Variants in MBNL1 observed in about 807,000 individuals in gnomAD.
The protein encoded by MBNL1 is muscleblind like splicing regulator 1.
MBNL1 carries 8 observed loss-of-function variants against 42.2 expected under a neutral mutation model. The observed-to-expected ratio is 0.19, with a 90% CI of 0.11 to 0.34. MBNL1 has a LOEUF of 0.34. MBNL1 is among the 10% of genes least tolerant of loss of function. MBNL1 has a pLI of 1.00. For missense variants in MBNL1, 309 were observed against 495.3 expected, an observed-to-expected ratio of 0.62 and a Z score of 3.57; for synonymous variants, 169 against 173.9, an observed-to-expected ratio of 0.97 and a Z score of 0.22.
In MBNL1 at chr3:152,328,787, G is replaced by A. The variant is rs189825518; in HGVS notation, c.174+28420G>A. 2.6e-3 allele frequency among the ~76,000 whole-genome samples: 393 copies of A among 152,144 alleles called. 8 individuals are homozygous for A. The highest frequency in any genetic ancestry group is 0.021 in the Admixed American group (328 of 15,270). Reference sequence around the variant, plus strand: ...ACTTACACTGAATTTAACTTTGAAGGTCAACATATGGATTTTTTTAAAAAC... The same window carrying A: ...ACTTACACTGAATTTAACTTTGAAGATCAACATATGGATTTTTTTAAAAAC... On this transcript the variant is annotated intron_variant, in intron 2 of 9. Transcript: ENST00000324210.
At chr3:152,446,791 T>C in intron 5 of MBNL1, 2 of 1,588,006 alleles carry the variant, frequency 1.3e-6, no homozygotes, top group Non-Finnish European at 1.7e-6. Context: ...GCTTGGCATG[T>C]AGCTTTATTG....
chr3:152,369,728 T>C lies in MBNL1; in HGVS notation c.175-45213T>C, dbSNP rs562644556. ...ATTCAGGGATTTGACTTCTTTCTGGTTTAGTCTTGGGAGGGTGTATGTGTC... is the reference window on the plus strand; with the variant it reads ...ATTCAGGGATTTGACTTCTTTCTGGCTTAGTCTTGGGAGGGTGTATGTGTC... On this transcript the variant is annotated intron_variant, in intron 2 of 9. Transcript: ENST00000324210. 1.6e-4 allele frequency among the ~76,000 whole-genome samples: 24 copies of C among 152,276 alleles called. 1 individual carries two copies. The highest frequency in any genetic ancestry group is 5.8e-4 in the African/African-American group (24 of 41,542).
At chr3:152,425,638 C>G (rs1006916895) in intron 3 of MBNL1, among the ~76,000 whole-genome samples, 15 of 151,304 alleles carry the variant, frequency 9.9e-5, no homozygotes, top group African/African-American at 3.6e-4. Flanking sequence ...AAATGCAAAT[C>G]AAAACCACAA....
rs2033073324 is a variant in MBNL1 at position 152,246,546 on chromosome 3, T to G, written n.333+2106T>G. ...AATATTAACAAATATTTAATATTAATTATTTAATATTATTGTTTATTCATC... is the reference window on the plus strand; with the variant it reads ...AATATTAACAAATATTTAATATTAAGTATTTAATATTATTGTTTATTCATC... On this transcript the variant is annotated intron_variant and non_coding_transcript_variant, in intron 2 of 2. Coordinates refer to the MBNL1 transcript ENST00000477171. Among the ~76,000 whole-genome samples, 3 of 151,578 alleles carry G rather than the reference T, an allele frequency of 2.0e-5. No individual in the cohort carries two copies. In the South Asian group the frequency reaches 6.2e-4, roughly 31 times the overall value.
chr3:152,322,304 C>T (rs549886224), intron 2 of MBNL1, among the ~76,000 whole-genome samples: 38 of 152,102 alleles, frequency 2.5e-4, no homozygotes, highest in African/African-American at 8.7e-4. Context: ...ACATCACCAG[C>T]GTTCATAGCT....
chr3:152,385,715 T>C (rs896205114), intron 2 of MBNL1, among the ~76,000 whole-genome samples: 1 of 152,098 alleles, frequency 6.6e-6, no homozygotes, highest in Non-Finnish European at 1.5e-5. Flanking sequence ...ACTTGCCTTT[T>C]AGAGTGATAC....
At chr3:152,357,932 G>A (rs2095643066) in intron 2 of MBNL1, among the ~76,000 whole-genome samples, 1 of 152,124 alleles carries the variant, frequency 6.6e-6, no homozygotes, top group South Asian at 2.1e-4. Flanking sequence ...AAATAAATAT[G>A]GGGATTTCAG....
intron 1 of MBNL1, among the ~76,000 whole-genome samples, chr3:152,284,648 A>C (rs1253947433): frequency 6.6e-6 from 1 of 152,128 alleles, no homozygotes; most frequent in Non-Finnish European, 1.5e-5. Context: ...TTCAGACAGT[A>C]TTCTGTCTCC....
chr3:152,370,867 T>G (rs953976259), intron 2 of MBNL1, among the ~76,000 whole-genome samples: 1 of 151,906 alleles, frequency 6.6e-6, no homozygotes, highest in African/African-American at 2.4e-5. Flanking sequence ...TTCCTCCATT[T>G]CTTTATTTTG....
intron 2 of MBNL1, among the ~76,000 whole-genome samples, chr3:152,355,985 A>G (rs2095487557): frequency 6.6e-6 from 1 of 152,222 alleles, no homozygotes; most frequent in South Asian, 2.1e-4. Flanking sequence ...ACTAGAACCC[A>G]GAGAAAAAAG....
intron 2 of MBNL1, among the ~76,000 whole-genome samples, chr3:152,318,224 G>A (rs1390566217): frequency 6.6e-6 from 1 of 152,138 alleles, no homozygotes. Flanking sequence ...CTGTTCTAGA[G>A]AAAAACAGGT....
chr3:152,262,916 C>T (rs1215714957), intron 2 of MBNL1: 1 of 151,992 alleles, frequency 6.6e-6, no homozygotes, highest in Non-Finnish European at 1.5e-5. Flanking sequence ...ATTGAAAGAC[C>T]ACGATTGCAT....
chr3:152,407,080 A>T (rs2098448769), intron 2 of MBNL1, among the ~76,000 whole-genome samples: 1 of 96,560 alleles, frequency 1.0e-5, no homozygotes, highest in African/African-American at 3.7e-5. Context: ...TGTTTGTGTG[A>T]ACTTTTCACA....
chr3:152,373,361 A>C (rs1255533117), intron 2 of MBNL1, among the ~76,000 whole-genome samples: 3 of 151,276 alleles, frequency 2.0e-5, no homozygotes, highest in East Asian at 3.9e-4. Flanking sequence ...AAAAAAAAAA[A>C]AAAACCTTCT....
At chr3:152,280,990 A>G (rs2048102564) in intron 1 of MBNL1, among the ~76,000 whole-genome samples, 1 of 152,152 alleles carries the variant, frequency 6.6e-6, no homozygotes, top group African/African-American at 2.4e-5. Flanking sequence ...TGATTTTCTG[A>G]AGTTTATGGC....
At position 152,249,722 on chromosome 3, in the gene MBNL1, G is replaced by C. The variant is rs998458576; in HGVS notation, n.333+5282G>C. Among the ~76,000 whole-genome samples the C allele has an allele frequency of 2.7e-4, 39 of 144,786 alleles. 1 individual carries two copies. Among genetic ancestry groups the C allele is most frequent in the Non-Finnish European group, 2.6e-4 (17 of 65,916 alleles). The allele number at this position is 144,786 out of a possible 152,430, so 95.0% of individuals were successfully genotyped here. On this transcript the variant is annotated intron_variant and non_coding_transcript_variant, in intron 2 of 2. Coordinates refer to the MBNL1 transcript ENST00000477171. ...CCTATGTCCTGAATGGTAATGCCTA[G>C]GTTTTCTTCTAGGGTTTTTATGGTT...
intron 2 of MBNL1, among the ~76,000 whole-genome samples, chr3:152,398,991 C>T (rs995226268): frequency 2.0e-5 from 3 of 152,092 alleles, no homozygotes; most frequent in African/African-American, 7.2e-5. Context: ...GAAATAGTCC[C>T]CTTGTCTTTA....
chr3:152,345,845 A>G (rs1239518739), intron 2 of MBNL1, among the ~76,000 whole-genome samples: 1 of 152,072 alleles, frequency 6.6e-6, no homozygotes, highest in African/African-American at 2.4e-5. Flanking sequence ...TCAGATTTCT[A>G]ATCTTTATTT....
At chr3:152,275,606 G>T (rs1382022617) in intron 1 of MBNL1, among the ~76,000 whole-genome samples, 4 of 150,892 alleles carry the variant, frequency 2.7e-5, no homozygotes, top group African/African-American at 7.3e-5. Context: ...TTACTTGGGA[G>T]CTGAGGCAGG....
Sources: allele counts gnomAD v4.1 joint callset (sites outside exome capture counted in the v4.1 genomes callset), GRCh38; gene constraint gnomAD v4.1.1; transcripts MANE v1.5; gene names NCBI Gene and HGNC (gene_info 2026-07-23, HGNC 2026-07-21).